ARL13B: variants seen among roughly 807,000 people sequenced by gnomAD.
ARL13B encodes the protein ARF like GTPase 13B.
In ARL13B, 36 loss-of-function variants were observed where a neutral mutation model predicts 56.1. That is an observed-to-expected ratio of 0.64 (90% confidence interval 0.49 to 0.85). The LOEUF (loss-of-function observed/expected upper bound fraction) is 0.85. Ranked by LOEUF, ARL13B falls within the 40% of genes least tolerant of loss-of-function variation. ARL13B has a pLI of 0.00. For missense variants in ARL13B, 519 were observed against 507.1 expected (o/e 1.02, Z -0.23); for synonymous variants, 178 against 171.1 (o/e 1.04, Z -0.32).
intron 3 of ARL13B, among the ~76,000 whole-genome samples, chr3:94,008,496 C>T (rs1049972152): frequency 2.0e-5 from 3 of 152,138 alleles, no homozygotes; most frequent in Non-Finnish European, 2.9e-5. Context: ...CCAGTATAGA[C>T]ATTTTCCATT....
intron 7 of ARL13B, among the ~76,000 whole-genome samples, chr3:94,047,270 G>A (rs1359801401): frequency 6.6e-6 from 1 of 152,132 alleles, no homozygotes; most frequent in Non-Finnish European, 1.5e-5. Flanking sequence ...TATTTTGCTG[G>A]ATGAAAATAT....
At chr3:94,021,953 A>T (rs1007159049) in intron 3 of ARL13B, among the ~76,000 whole-genome samples, 33 of 152,072 alleles carry the variant, frequency 2.2e-4, no homozygotes, top group Admixed American at 1.3e-4. Flanking sequence ...CAAGGCTTCT[A>T]AAGATATATA....
intron 3 of ARL13B, among the ~76,000 whole-genome samples, chr3:94,032,578 G>A (rs2107094703): frequency 6.6e-6 from 1 of 152,060 alleles, no homozygotes; most frequent in African/African-American, 2.4e-5. Flanking sequence ...CTCACTGCAA[G>A]CTCTGCCTCC....
intron 1 of ARL13B, among the ~76,000 whole-genome samples, chr3:93,982,579 T>C (rs1168174693): frequency 6.6e-6 from 1 of 152,232 alleles, no homozygotes; most frequent in Admixed American, 6.5e-5. Flanking sequence ...TTTTTACTTT[T>C]TAAAAAATGA....
chr3:94,027,395 T>C (rs1455858811), intron 3 of ARL13B, among the ~76,000 whole-genome samples: 3 of 152,022 alleles, frequency 2.0e-5, no homozygotes, highest in Non-Finnish European at 4.4e-5. Context: ...TTTTATTTAG[T>C]CTAAATAACT....
At chr3:94,031,128 G>A (rs1418368308) in intron 3 of ARL13B, among the ~76,000 whole-genome samples, 1 of 152,164 alleles carries the variant, frequency 6.6e-6, no homozygotes, top group African/African-American at 2.4e-5. Context: ...GGAGGTAGAG[G>A]CTGTAGTGAG....
In ARL13B at chr3:94,054,907, G is replaced by A. The variant is rs2077119514; in HGVS notation, c.*1644G>A. On this transcript the variant is annotated 3_prime_UTR_variant, in exon 10 of 10. Coordinates refer to ENST00000394222, the MANE Select transcript of ARL13B (RefSeq NM_001174150.2). ...TGAAAAGGATTTTAGAGGGAAAATTGCATAGCTTTTTGTAACATTTACTTA... is the reference window on the plus strand; with the variant it reads ...TGAAAAGGATTTTAGAGGGAAAATTACATAGCTTTTTGTAACATTTACTTA... The A allele has an allele frequency of 1.1e-5, 3 of 271,568 alleles. No individual in the cohort carries two copies. Among genetic ancestry groups the A allele is most frequent in the Non-Finnish European group, 2.2e-5 (3 of 137,134 alleles). 16.8% of individuals were successfully genotyped at this position (271,568 alleles called of 1,614,324 possible).
chr3:94,008,902 C>T (rs1477983484), intron 3 of ARL13B, among the ~76,000 whole-genome samples: 3 of 152,068 alleles, frequency 2.0e-5, no homozygotes, highest in Non-Finnish European at 2.9e-5. Flanking sequence ...GGCCAGTCTT[C>T]ACAAATTGAA....
chr3:94,038,433 T>G (rs1383656686), intron 5 of ARL13B, among the ~76,000 whole-genome samples: 2 of 151,766 alleles, frequency 1.3e-5, no homozygotes, highest in Non-Finnish European at 2.9e-5. Context: ...ACATTTACAT[T>G]GCTATACCAT....
chr3:94,015,190 T>C (rs199825702), intron 3 of ARL13B: 2 of 1,613,494 alleles, frequency 1.2e-6, no homozygotes, highest in Non-Finnish European at 1.7e-6. Flanking sequence ...TTCCTCTGTT[T>C]CTGTAGTTGA....
intron 3 of ARL13B, among the ~76,000 whole-genome samples, chr3:94,029,279 A>T (rs1348527350): frequency 7.1e-5 from 10 of 140,322 alleles, no homozygotes; most frequent in Non-Finnish European, 1.5e-4. Context: ...AAGAAGAAGG[A>T]AATTGCTGTA....
chr3:94,014,785 C>T (rs754526314), intron 3 of ARL13B: 1 of 1,613,940 alleles, frequency 6.2e-7, no homozygotes, highest in Non-Finnish European at 8.5e-7. Context: ...AAATGTCTTG[C>T]ACTTCTCTTG....
chr3:94,007,320 A>G (rs2076151673), intron 3 of ARL13B, among the ~76,000 whole-genome samples: 1 of 152,230 alleles, frequency 6.6e-6, no homozygotes, highest in Admixed American at 6.5e-5. Context: ...GGATGACCAC[A>G]GTAGCAGGTT....
intron 3 of ARL13B, among the ~76,000 whole-genome samples, chr3:94,026,043 G>A (rs547807899): frequency 7.6e-5 from 11 of 144,156 alleles, no homozygotes; most frequent in African/African-American, 1.0e-4. Flanking sequence ...TTTTTGAGAC[G>A]GAGTCTCTCT....
rs1297199244 is a variant in ARL13B, at chr3:94,035,370, A to G, written c.420A>G (p.Glu140=). 1 of 1,610,778 alleles carries G rather than the reference A, an allele frequency of 6.2e-7. No individual in the cohort carries two copies. Residue 140 remains glutamate (E), a synonymous_variant, in exon 4 of 10, where the codon GAA becomes GAG. Coordinates refer to ENST00000394222, the MANE Select transcript of ARL13B (RefSeq NM_001174150.2). ...AAGATAAAGAAGGAGCTTTAGGAGA[A>G]GCTGATGTCATTGAATGTCTATCTC... ...NKQDKEGALG[E]ADVIECLSLE... is the part of the protein sequence containing the mutation.
chr3:93,981,733 G>A (rs1710225140), intron 1 of ARL13B, among the ~76,000 whole-genome samples: 1 of 151,726 alleles, frequency 6.6e-6, no homozygotes, highest in African/African-American at 2.4e-5. Flanking sequence ...AAATAAACGG[G>A]CACGGTGACG....
intron 3 of ARL13B, among the ~76,000 whole-genome samples, chr3:94,008,607 A>G (rs1242068424): frequency 6.6e-6 from 1 of 152,188 alleles, no homozygotes; most frequent in African/African-American, 2.4e-5. Context: ...GTCCAGGGTT[A>G]CACTGATGTC....
chr3:94,039,103 A>C (rs1383075725), intron 5 of ARL13B, among the ~76,000 whole-genome samples: 1 of 152,234 alleles, frequency 6.6e-6, no homozygotes, highest in East Asian at 1.9e-4. Context: ...TATACTAAAC[A>C]AGAAACATGT....
At position 94,035,237 on chromosome 3, in the gene ARL13B, A is replaced by C; in HGVS notation, c.381-94A>C. ...GGGAAACAGAGCAAGACTCAGTCTCAAAAAAAAAAAAAAAAAAGAATGTGG... is the reference window on the plus strand; with the variant it reads ...GGGAAACAGAGCAAGACTCAGTCTCCAAAAAAAAAAAAAAAAAGAATGTGG... On this transcript the variant is annotated intron_variant, in intron 3 of 9. Coordinates refer to ENST00000394222, the MANE Select transcript of ARL13B (RefSeq NM_001174150.2). 1.8e-5 allele frequency: 3 copies of C among 164,630 alleles called. No individual in the cohort carries two copies. The East Asian group carries it at 5.6e-4, about 31-fold the overall frequency. 10.2% of individuals were successfully genotyped at this position (164,630 alleles called of 1,614,324 possible).
Sources: allele counts gnomAD v4.1 joint callset (sites outside exome capture counted in the v4.1 genomes callset), GRCh38; gene constraint gnomAD v4.1.1; transcripts MANE v1.5; gene names NCBI Gene and HGNC (gene_info 2026-07-23, HGNC 2026-07-21).